CACHD1: variants seen among roughly 807,000 people sequenced by gnomAD.
CACHD1 encodes the protein VWFA and cache domain-containing protein 1.
Under a neutral mutation model 138.7 loss-of-function variants are expected in CACHD1, and 71 were observed. The observed-to-expected ratio is 0.51, with a 90% confidence interval of 0.42 to 0.62. CACHD1 has a LOEUF of 0.62. CACHD1 is among the 20% of genes least tolerant of loss of function. CACHD1 has a pLI of 0.00. For missense variants in CACHD1, 1,389 were observed against 1,625.3 expected (o/e 0.85, Z 2.50); for synonymous variants, 578 against 591.5 (o/e 0.98, Z 0.33).
chr1:64,605,941 A>G (rs1647323212), intron 4 of CACHD1, among the ~76,000 whole-genome samples: 1 of 152,110 alleles, frequency 6.6e-6, no homozygotes, highest in African/African-American at 2.4e-5. Context: ...GACTTTACAC[A>G]GGGGAATCTG....
At chr1:64,471,924 A>G (rs1308627749) in intron 1 of CACHD1, among the ~76,000 whole-genome samples, 3 of 152,154 alleles carry the variant, frequency 2.0e-5, no homozygotes, top group Non-Finnish European at 4.4e-5. Context: ...ACTTGGCCAT[A>G]AAGGCCCACT....
chr1:64,604,990 A>G (rs1426012638), intron 4 of CACHD1, among the ~76,000 whole-genome samples: 1 of 144,074 alleles, frequency 6.9e-6, no homozygotes, highest in Non-Finnish European at 1.5e-5. Context: ...TTTTAAAGAC[A>G]GAGTCTTGCT....
chr1:64,529,663 G>T lies in CACHD1; in HGVS notation c.199-20931G>T, dbSNP rs111632975. ...TATGAAGTGGAAGGGAAGGAACTTA[G>T]GGCTTAGGTAATGTGCCCTTGGCCA... On this transcript the variant is annotated intron_variant, in intron 1 of 26. Coordinates refer to ENST00000651257, the MANE Select transcript of CACHD1 (RefSeq NM_020925.4). Among the ~76,000 whole-genome samples, 270 of 152,300 alleles carry T rather than the reference G, an allele frequency of 1.8e-3. 1 individual carries two copies. Among genetic ancestry groups the T allele is most frequent in the African/African-American group, 6.0e-3 (250 of 41,570 alleles).
At chr1:64,673,587 A>G (rs964236834) in intron 19 of CACHD1, 123 bp downstream of exon 19, 8 of 815,248 alleles carry the variant, frequency 9.8e-6, no homozygotes, top group African/African-American at 8.5e-5. Flanking sequence ...CTATAGAATG[A>G]TAGGAGGAGA....
At chr1:64,600,137 A>G (rs1647198363) in intron 3 of CACHD1, among the ~76,000 whole-genome samples, 1 of 152,176 alleles carries the variant, frequency 6.6e-6, no homozygotes, top group African/African-American at 2.4e-5. Flanking sequence ...AGCAAAGTCC[A>G]GATGTCAGCT....
chr1:64,603,612 A>G (rs1019065952), intron 4 of CACHD1, among the ~76,000 whole-genome samples: 1 of 152,118 alleles, frequency 6.6e-6, no homozygotes, highest in Non-Finnish European at 1.5e-5. Flanking sequence ...ATTTTTCTGG[A>G]AAAATGCTGT....
intron 1 of CACHD1, among the ~76,000 whole-genome samples, chr1:64,547,808 A>T (rs1279395687): frequency 6.9e-6 from 1 of 144,250 alleles, no homozygotes; most frequent in Non-Finnish European, 1.5e-5. Flanking sequence ...CTACTTGAGG[A>T]AGGAGAAGGG....
At chr1:64,602,500 G>A (rs1458978216) in intron 3 of CACHD1, among the ~76,000 whole-genome samples, 1 of 65,776 alleles carries the variant, frequency 1.5e-5, no homozygotes. Flanking sequence ...GCTCTATTTT[G>A]AATTTTGTCA....
At chr1:64,544,591 C>T (rs1366992592) in intron 1 of CACHD1, among the ~76,000 whole-genome samples, 1 of 150,282 alleles carries the variant, frequency 6.7e-6, no homozygotes, top group African/African-American at 2.4e-5. Flanking sequence ...TACCCATGCA[C>T]ACGTGCGCAC....
At chr1:64,542,523 T>C (rs635154) in intron 1 of CACHD1, among the ~76,000 whole-genome samples, 97,858 of 152,004 alleles carry the variant, frequency 0.64, 35,115 homozygotes, top group Non-Finnish European at 0.79. Flanking sequence ...AGTCTAGTTG[T>C]AACTTTGGAT....
At chr1:64,545,284 A>G (rs1048641348) in intron 1 of CACHD1, among the ~76,000 whole-genome samples, 1 of 152,220 alleles carries the variant, frequency 6.6e-6, no homozygotes, top group Admixed American at 6.5e-5. Flanking sequence ...GAATTCTCAC[A>G]AAAGTGAACA....
At chr1:64,533,919 A>AT (rs1013584729) in intron 1 of CACHD1, among the ~76,000 whole-genome samples, 4 of 151,414 alleles carry the variant, frequency 2.6e-5, no homozygotes, top group Non-Finnish European at 5.9e-5. Context: ...CATCCGGCTA[A>AT]TTTTTTTGTA....
intron 13 of CACHD1, among the ~76,000 whole-genome samples, chr1:64,659,698 A>G (rs1031927636): frequency 1.3e-5 from 2 of 152,212 alleles, no homozygotes; most frequent in African/African-American, 2.4e-5. Context: ...TTCGTGGTCT[A>G]TGTTGTCACC....
intron 11 of CACHD1, 34 bp downstream of exon 11, chr1:64,653,915 T>C: frequency 6.2e-7 from 1 of 1,600,822 alleles, no homozygotes; most frequent in East Asian, 2.2e-5. Context: ...GGATTGTTTT[T>C]CCCTGAGAAT....
At chr1:64,594,182 A>G (rs1647130740) in intron 3 of CACHD1, among the ~76,000 whole-genome samples, 1 of 150,526 alleles carries the variant, frequency 6.6e-6, no homozygotes, top group Non-Finnish European at 1.5e-5. Flanking sequence ...TGAACTCGGG[A>G]GGCAGAGGTT....
chr1:64,491,572 A>G (rs1015708253), intron 1 of CACHD1, among the ~76,000 whole-genome samples: 1 of 152,168 alleles, frequency 6.6e-6, no homozygotes, highest in Non-Finnish European at 1.5e-5. Flanking sequence ...ATCCACCCCC[A>G]TGATTCAGTC....
chr1:64,567,165 A>T (rs552699444), intron 2 of CACHD1, among the ~76,000 whole-genome samples: 6 of 152,308 alleles, frequency 3.9e-5, no homozygotes, highest in African/African-American at 1.4e-4. Context: ...AACTCAGCAC[A>T]CATTTGTTGA....
rs760465536 is a variant in CACHD1, at chr1:64,654,683, C to G, written c.1665-3C>G. On this transcript the variant is annotated splice_polypyrimidine_tract_variant and splice_region_variant and intron_variant, in intron 11 of 26. Coordinates refer to ENST00000651257, the MANE Select transcript of CACHD1 (RefSeq NM_020925.4). ...AAATATTTAATTCTGTTTGCCAACA[C>G]AGCCTCCCTCTGGGCAGCCAGATTA... is the stretch of plus-strand genomic sequence containing the variant. 3 of 1,600,580 alleles carry G rather than the reference C, an allele frequency of 1.9e-6. No individual in the cohort carries two copies. Among genetic ancestry groups the G allele is most frequent in the Non-Finnish European group, 2.6e-6 (3 of 1,168,864 alleles).
At chr1:64,529,859 A>G (rs1209268552) in intron 1 of CACHD1, among the ~76,000 whole-genome samples, 1 of 152,202 alleles carries the variant, frequency 6.6e-6, no homozygotes, top group Non-Finnish European at 1.5e-5. Context: ...ATGTTACTTT[A>G]GAGGGTTTTT....
Sources: gnomAD v4.1 joint callset for allele counts (sites outside exome capture counted in the v4.1 genomes callset) on GRCh38, gnomAD v4.1.1 for gene constraint, MANE v1.5 for transcripts, NCBI Gene and HGNC (gene_info 2026-07-23, HGNC 2026-07-21) for gene names.